DCAF6: variants seen among roughly 807,000 people sequenced by gnomAD.
DCAF6 encodes the protein DDB1 and CUL4 associated factor 6.
A neutral mutation model predicts 125.1 loss-of-function variants in DCAF6; 54 were observed. That is an observed-to-expected ratio of 0.43 (90% CI 0.35 to 0.54). The LOEUF (loss-of-function observed/expected upper bound fraction) is 0.54, where lower values mean the gene tolerates loss of function less well. Among genes scored for constraint, DCAF6 ranks in the 20% least tolerant of loss-of-function variants. The pLI is 0.01. For synonymous variants in DCAF6, 371 were observed against 390.4 expected (o/e 0.95, Z 0.58); for missense variants, 934 against 1,161.7 (o/e 0.80, Z 2.85).
At chr1:168,051,654 A>G (rs1296462916) in intron 17 of DCAF6, among the ~76,000 whole-genome samples, 1 of 152,210 alleles carries the variant, frequency 6.6e-6, no homozygotes, top group Non-Finnish European at 1.5e-5. Context: ...TAAAGTTTGT[A>G]GAGTTCCTAA....
chr1:167,894,274 C>A, the DCAF6 span, among the ~76,000 whole-genome samples: 1 of 152,070 alleles, frequency 6.6e-6, no homozygotes, highest in African/African-American at 2.4e-5. Context: ...GAGGGAATGA[C>A]AAGAGAGGAG....
intron 1 of DCAF6, among the ~76,000 whole-genome samples, chr1:167,944,095 G>T (rs887377719): frequency 6.6e-6 from 1 of 152,156 alleles, no homozygotes; most frequent in African/African-American, 2.4e-5. Flanking sequence ...GCCCGCCTCG[G>T]CCTCCCAAAG....
At chr1:168,066,555 A>C in intron 20 of DCAF6, 90 bp downstream of exon 20, 5 of 868,586 alleles carry the variant, frequency 5.8e-6, no homozygotes, top group Non-Finnish European at 9.1e-6. Context: ...TTAGTTGCTA[A>C]CATGAAACAA....
chr1:168,020,479 G>A (rs1169443799), intron 11 of DCAF6, among the ~76,000 whole-genome samples: 1 of 152,122 alleles, frequency 6.6e-6, no homozygotes, highest in African/African-American at 2.4e-5. Flanking sequence ...CATGAGACAT[G>A]CTGAGCTTAG....
chr1:168,043,232 T>G, intron 14 of DCAF6, 92 bp downstream of exon 14: 1 of 974,988 alleles, frequency 1.0e-6, no homozygotes, highest in Non-Finnish European at 1.6e-6. Context: ...TTTTGTTTCT[T>G]GTTTTTAATA....
the DCAF6 span, chr1:167,917,968 C>T: frequency 5.7e-6 from 1 of 174,708 alleles, no homozygotes. Flanking sequence ...CCTGACCATC[C>T]TACACTAAAT....
At chr1:167,918,455 G>C in the DCAF6 span, 1 of 770,412 alleles carries the variant, frequency 1.3e-6, no homozygotes, top group Non-Finnish European at 2.1e-6. Context: ...CTTCTTTCTT[G>C]GTGGTCAAGT....
intron 17 of DCAF6, among the ~76,000 whole-genome samples, chr1:168,060,842 C>T (rs12084077): frequency 0.059 from 8,948 of 152,106 alleles, 835 homozygotes; most frequent in African/African-American, 0.2. Flanking sequence ...TGAGCTGAGA[C>T]CCCGCCACTG....
At chr1:167,881,167 A>G in the DCAF6 span, among the ~76,000 whole-genome samples, 1 of 152,222 alleles carries the variant, frequency 6.6e-6, no homozygotes, top group Admixed American at 6.5e-5. Context: ...AGATACTGTT[A>G]TTCTTAGGGA....
intron 3 of DCAF6, among the ~76,000 whole-genome samples, chr1:167,972,061 G>C (rs1677405719): frequency 6.6e-6 from 1 of 152,134 alleles, no homozygotes; most frequent in Admixed American, 6.5e-5. Flanking sequence ...TCGCCATGTT[G>C]GGCAGGCTGG....
At chr1:168,004,416 C>G in intron 9 of DCAF6, 117 bp from the exon 10 acceptor site, 2 of 1,174,914 alleles carry the variant, frequency 1.7e-6, no homozygotes, top group Non-Finnish European at 2.4e-6. Context: ...GTTATTATCA[C>G]TGAAATTATA....
chr1:168,006,666 G>C (rs371435176), intron 10 of DCAF6, among the ~76,000 whole-genome samples: 3 of 152,166 alleles, frequency 2.0e-5, no homozygotes, highest in African/African-American at 7.2e-5. Context: ...TGTCCATTGG[G>C]TGAATGTAGT....
the DCAF6 span, chr1:167,878,408 T>C: frequency 3.7e-6 from 6 of 1,600,580 alleles, no homozygotes; most frequent in African/African-American, 8.0e-5. Context: ...CCCGCTTCTT[T>C]ACTAAAATAT....
At chr1:167,966,537 T>G in intron 2 of DCAF6, 92 bp from the exon 3 acceptor site, 2 of 797,412 alleles carry the variant, frequency 2.5e-6, no homozygotes, top group Non-Finnish European at 4.4e-6. Flanking sequence ...ACCTCATTAG[T>G]GGTAAAAATT....
Position 167,995,960 on chromosome 1 carries a change from A to AAT in DCAF6, c.903+2522_903+2523dup, listed in dbSNP as rs200261747. On this transcript the variant is annotated intron_variant, in intron 7 of 21. Coordinates refer to ENST00000367840, the MANE Select transcript of DCAF6 (RefSeq NM_001198956.2). The stretch of plus-strand genomic sequence containing the variant: ...CTTAGTGGAAGTAGAGGTACAAGTA[A>AAT]ATAAATATGTAAAACTTAATATAGA... 5.3e-3 allele frequency among the ~76,000 whole-genome samples: 811 copies of AAT among 152,320 alleles called. 22 individuals are homozygous for AAT. Among genetic ancestry groups the AAT allele is most frequent in the Admixed American group, 0.037 (565 of 15,306 alleles).
At chr1:167,917,191 C>A in the DCAF6 span, 1 of 152,154 alleles carries the variant, frequency 6.6e-6, no homozygotes, top group Non-Finnish European at 1.5e-5. Flanking sequence ...TTATTTGTAG[C>A]GTGGAGTAAT....
intron 12 of DCAF6, among the ~76,000 whole-genome samples, chr1:168,034,023 A>G (rs1478351414): frequency 6.6e-6 from 1 of 152,244 alleles, no homozygotes; most frequent in Non-Finnish European, 1.5e-5. Context: ...CTATACTATG[A>G]TGCCAAAGTG....
chr1:168,073,967 GAATA>G (rs1363816950), intron 21 of DCAF6, among the ~76,000 whole-genome samples: 1 of 142,824 alleles, frequency 7.0e-6, no homozygotes, highest in Non-Finnish European at 1.5e-5. Context: ...AATATGTATT[GAATA>G]CATATTTATA....
chr1:168,054,668 T>C (rs1690380254), intron 17 of DCAF6, among the ~76,000 whole-genome samples: 2 of 152,226 alleles, frequency 1.3e-5, no homozygotes, highest in Non-Finnish European at 2.9e-5. Context: ...AAATTTATAA[T>C]TTAAATGTAA....
Sources: gnomAD v4.1 joint callset for allele counts (sites outside exome capture counted in the v4.1 genomes callset) on GRCh38, gnomAD v4.1.1 for gene constraint, MANE v1.5 for transcripts, NCBI Gene and HGNC (gene_info 2026-07-23, HGNC 2026-07-21) for gene names.